ERCC6L2: variants seen among roughly 807,000 people sequenced by gnomAD.
ERCC6L2 encodes the protein ERCC excision repair 6 like 2.
Under a neutral mutation model 132.0 loss-of-function variants are expected in ERCC6L2, and 77 were observed. That is an observed-to-expected ratio of 0.58 (90% CI 0.49 to 0.71). The LOEUF (loss-of-function observed/expected upper bound fraction) is 0.71. Among genes scored for constraint, ERCC6L2 ranks in the 30% least tolerant of loss-of-function variants. The pLI, the probability that ERCC6L2 is intolerant of heterozygous loss-of-function variation, is 0.00. For missense variants in ERCC6L2, 1,542 were observed against 1,837.6 expected (o/e 0.84, Z 2.94); for synonymous variants, 583 against 632.4 (o/e 0.92, Z 1.17).
chr9:96,029,884 C>A (rs914059121), intron 19 of ERCC6L2, among the ~76,000 whole-genome samples: 1 of 151,798 alleles, frequency 6.6e-6, no homozygotes, highest in Non-Finnish European at 1.5e-5. Flanking sequence ...CTCCAGAGAG[C>A]AAACGACTCG....
chr9:96,013,138 T>G lies in ERCC6L2; in HGVS notation c.4588T>G (p.Leu1530Val). 7.3e-7 allele frequency: 1 copy of G among 1,367,216 alleles called. No homozygotes were observed. The highest frequency in any genetic ancestry group is 9.8e-7 in the Non-Finnish European group (1 of 1,021,762). The allele number at this position is 1,367,216 out of a possible 1,614,324, so 84.7% of individuals were successfully genotyped here. ...TCTTTGGAAATCAAATGAGAAATTT[T>G]TATGGAAGAAATTTAGCCCAAGTGA... ...TSLWKSNEKF[L>V]WKKFSPSDTD... The change falls in exon 19 of 19, where the codon TTA (leucine) becomes GTA (valine). Residue 1530 changes from leucine to valine, a missense_variant. Leu to Val is a conservative substitution (Grantham distance 32, BLOSUM62 1). Around this residue, in one of 4 missense-constraint regions of ERCC6L2, gnomAD observed 442 missense variants for 583.4 expected, o/e 0.76. Transcript: ENST00000653738.
chr9:95,976,678 G>A (rs1241300082), intron 16 of ERCC6L2, among the ~76,000 whole-genome samples: 3 of 152,092 alleles, frequency 2.0e-5, no homozygotes, highest in African/African-American at 4.8e-5. Flanking sequence ...ATGGGCTTTT[G>A]GTTTTGCTGT....
intron 2 of ERCC6L2, among the ~76,000 whole-genome samples, chr9:95,886,869 A>C (rs1434937008): frequency 1.3e-5 from 2 of 152,198 alleles, no homozygotes; most frequent in African/African-American, 4.8e-5. Context: ...CGTGGCTAGA[A>C]GTAAGCAGGC....
At chr9:95,979,531 G>A (rs573553723) in intron 17 of ERCC6L2, among the ~76,000 whole-genome samples, 5 of 152,158 alleles carry the variant, frequency 3.3e-5, no homozygotes, top group Non-Finnish European at 7.4e-5. Flanking sequence ...ACCGCAGAAC[G>A]ATATAGTGAA....
At chr9:95,984,197 ATC>A (rs1833001261) in intron 17 of ERCC6L2, among the ~76,000 whole-genome samples, 1 of 149,612 alleles carries the variant, frequency 6.7e-6, no homozygotes, top group Admixed American at 6.7e-5. Flanking sequence ...AAATATGTAC[ATC>A]TCTAACATGT....
At chr9:95,937,958 A>G (rs1830630117) in intron 11 of ERCC6L2, among the ~76,000 whole-genome samples, 1 of 151,650 alleles carries the variant, frequency 6.6e-6, no homozygotes, top group South Asian at 2.1e-4. Flanking sequence ...AAATTTTCCT[A>G]AGCCCTGCTT....
intron 17 of ERCC6L2, among the ~76,000 whole-genome samples, chr9:95,980,943 G>A (rs1832867890): frequency 6.6e-6 from 1 of 152,064 alleles, no homozygotes; most frequent in African/African-American, 2.4e-5. Context: ...ATTCCTCTGA[G>A]TGCTTCATGT....
At chr9:95,995,467 G>A (rs558780465) in intron 17 of ERCC6L2, among the ~76,000 whole-genome samples, 32 of 152,192 alleles carry the variant, frequency 2.1e-4, no homozygotes, top group African/African-American at 2.9e-4. Flanking sequence ...GATCTAGGGT[G>A]GACTCATTCT....
At chr9:95,939,699 T>A (rs1830711487) in intron 11 of ERCC6L2, among the ~76,000 whole-genome samples, 1 of 152,138 alleles carries the variant, frequency 6.6e-6, no homozygotes, top group Non-Finnish European at 1.5e-5. Flanking sequence ...TCAATTTTTT[T>A]GTTTGTTTCA....
At chr9:95,944,932 G>A (rs989737196) in intron 12 of ERCC6L2, among the ~76,000 whole-genome samples, 6 of 152,266 alleles carry the variant, frequency 3.9e-5, no homozygotes, top group East Asian at 1.9e-4. Context: ...GAGGCAGGGC[G>A]AGATCACAGG....
chr9:95,886,260 G>T (rs1364511312), intron 2 of ERCC6L2, among the ~76,000 whole-genome samples: 2 of 151,990 alleles, frequency 1.3e-5, no homozygotes, highest in African/African-American at 2.4e-5. Context: ...CAAGTGATCT[G>T]CCTGCCTTGA....
rs12001995 is a variant in ERCC6L2, at chr9:95,987,814, G to A, written c.3492+9599G>A. ...TTCCCTTCTGCACTGCCCTAGCAGA[G>A]AGGTTCTCCATGAGGGCCCCACCCC... On this transcript the variant is annotated intron_variant, in intron 17 of 18. Transcript: ENST00000653738. 2.7e-3 allele frequency among the ~76,000 whole-genome samples: 414 copies of A among 152,342 alleles called. 1 individual carries two copies. The highest frequency in any genetic ancestry group is 9.5e-3 in the African/African-American group (396 of 41,572).
At chr9:95,885,117 T>G (rs146131716) in intron 2 of ERCC6L2, among the ~76,000 whole-genome samples, 2,140 of 152,312 alleles carry the variant, frequency 0.014, 64 homozygotes, top group African/African-American at 0.049. Context: ...GATTTTTTTT[T>G]GTCAAAGATT....
intron 2 of ERCC6L2, among the ~76,000 whole-genome samples, chr9:95,895,154 A>T (rs1201785923): frequency 6.6e-6 from 1 of 152,146 alleles, no homozygotes; most frequent in Non-Finnish European, 1.5e-5. Context: ...TTTCCAAGTG[A>T]ACTAATTTTA....
chr9:96,038,868 G>A (rs1419187754), intron 19 of ERCC6L2: 2 of 456,196 alleles, frequency 4.4e-6, no homozygotes, highest in African/African-American at 4.0e-5. Context: ...TGTGACTTCT[G>A]ATTCCAGGTC....
At chr9:95,947,174 A>G (rs756514162) in intron 12 of ERCC6L2, among the ~76,000 whole-genome samples, 5 of 152,200 alleles carry the variant, frequency 3.3e-5, no homozygotes, top group Non-Finnish European at 5.9e-5. Flanking sequence ...CAAGTTGTGA[A>G]TGCAAAGGAA....
intron 6 of ERCC6L2, 62 bp from the exon 7 acceptor site, chr9:95,921,113 T>G: frequency 6.9e-7 from 1 of 1,441,656 alleles, no homozygotes; most frequent in Non-Finnish European, 9.4e-7. Context: ...AGATGTAGAT[T>G]ATGATTTTTA....
intron 17 of ERCC6L2, among the ~76,000 whole-genome samples, chr9:96,001,311 C>T (rs59483555): frequency 0.031 from 4,681 of 152,188 alleles, 254 homozygotes; most frequent in African/African-American, 0.11. Flanking sequence ...CTTATCTGGC[C>T]CCACCCACAT....
chr9:95,982,685 G>T (rs188077583), intron 17 of ERCC6L2, among the ~76,000 whole-genome samples: 27 of 151,714 alleles, frequency 1.8e-4, no homozygotes, highest in Non-Finnish European at 3.5e-4. Context: ...AATAATTTTA[G>T]TAGAAATCAA....
Sources: allele counts gnomAD v4.1 joint callset (sites outside exome capture counted in the v4.1 genomes callset), GRCh38; gene constraint gnomAD v4.1.1; regional missense constraint gnomAD v4.1.1; transcripts MANE v1.5; gene names NCBI Gene and HGNC (gene_info 2026-07-23, HGNC 2026-07-21).